CFAP96: variants seen among roughly 807,000 people sequenced by gnomAD.
CFAP96 encodes the protein cilia and flagella associated protein 96.
chr4:185,418,047 A>AACACACAC, the CFAP96 span, among the ~76,000 whole-genome samples: 109 of 143,058 alleles, frequency 7.6e-4, 3 homozygotes, highest in Admixed American at 3.1e-3. Flanking sequence ...TCCATCTCAA[A>AACACACAC]ACACACACAC....
chr4:185,426,044 C>G, the CFAP96 span: 7 of 679,824 alleles, frequency 1.0e-5, no homozygotes, highest in Non-Finnish European at 1.8e-5. Flanking sequence ...CCCTCGCGGA[C>G]GGCGAGGCGG....
At chr4:185,436,325 C>T in the CFAP96 span, 1 of 1,550,812 alleles carries the variant, frequency 6.4e-7, no homozygotes. Context: ...TCACACTCTG[C>T]CGACTTCTAT....
chr4:185,433,992 A>G, the CFAP96 span, among the ~76,000 whole-genome samples: 2 of 152,108 alleles, frequency 1.3e-5, no homozygotes, highest in African/African-American at 4.8e-5. Context: ...GCTGAGGCGG[A>G]TGTATTGCTT....
chr4:185,434,000 C>T, the CFAP96 span, among the ~76,000 whole-genome samples: 1 of 152,150 alleles, frequency 6.6e-6, no homozygotes, highest in Non-Finnish European at 1.5e-5. Context: ...GGATGTATTG[C>T]TTGAGTCTAG....
chr4:185,437,088 C>G, the CFAP96 span, among the ~76,000 whole-genome samples: 1 of 152,084 alleles, frequency 6.6e-6, no homozygotes, highest in East Asian at 1.9e-4. Context: ...GATCAAGAAG[C>G]CATTATGATG....
At chr4:185,418,071 C>CACACACACACACA in the CFAP96 span, among the ~76,000 whole-genome samples, 293 of 151,798 alleles carry the variant, frequency 1.9e-3, 1 homozygote, top group Middle Eastern at 6.8e-3. Flanking sequence ...CACACACAAA[C>CACACACACACACA]AACAGAACCA....
the CFAP96 span, among the ~76,000 whole-genome samples, chr4:185,439,618 T>C: frequency 2.0e-5 from 3 of 151,820 alleles, no homozygotes; most frequent in Non-Finnish European, 4.4e-5. Flanking sequence ...ACTTTATTAA[T>C]AGCCAGTGAT....
chr4:185,436,972 G>C, the CFAP96 span, among the ~76,000 whole-genome samples: 1 of 152,008 alleles, frequency 6.6e-6, no homozygotes, highest in Non-Finnish European at 1.5e-5. Context: ...CTGGCCTGAT[G>C]AACTATGTTC....
the CFAP96 span, among the ~76,000 whole-genome samples, chr4:185,447,165 A>G: frequency 6.7e-6 from 1 of 149,652 alleles, no homozygotes; most frequent in Non-Finnish European, 1.5e-5. Flanking sequence ...ACATATAGCT[A>G]TGTTTGATTT....
At chr4:185,410,897 G>A in the CFAP96 span, among the ~76,000 whole-genome samples, 1 of 142,638 alleles carries the variant, frequency 7.0e-6, no homozygotes, top group South Asian at 2.2e-4. Flanking sequence ...AGTGAGCCAA[G>A]ATTGTGCCAC....
the CFAP96 span, chr4:185,426,019 G>A: frequency 9.4e-6 from 8 of 847,260 alleles, no homozygotes; most frequent in Non-Finnish European, 1.5e-5. Flanking sequence ...GTCACGGAGC[G>A]TACCACACCG....
chr4:185,439,831 A>G, the CFAP96 span, among the ~76,000 whole-genome samples: 3 of 147,850 alleles, frequency 2.0e-5, no homozygotes, highest in Non-Finnish European at 4.5e-5. Flanking sequence ...ATGTATATAC[A>G]TAATCTCATA....
chr4:185,413,871 T>C, the CFAP96 span: 2 of 1,591,212 alleles, frequency 1.3e-6, no homozygotes, highest in South Asian at 1.2e-5. Context: ...ATCATGTAAC[T>C]CCTAAAATAA....
chr4:185,411,163 G>A, the CFAP96 span, among the ~76,000 whole-genome samples: 1 of 148,432 alleles, frequency 6.7e-6, no homozygotes, highest in Admixed American at 6.7e-5. Flanking sequence ...ATGATATGAA[G>A]AATGAAAAAG....
chr4:185,431,933 T>G, the CFAP96 span: 43 of 1,372,714 alleles, frequency 3.1e-5, no homozygotes, highest in Non-Finnish European at 4.1e-5. Context: ...TCATGTCCTT[T>G]AATTGCTAGT....
At chr4:185,445,454 A>G in the CFAP96 span, 1 of 1,316,930 alleles carries the variant, frequency 7.6e-7, no homozygotes, top group African/African-American at 1.5e-5. Flanking sequence ...CAGTACAATT[A>G]ACATTGGCTA....
the CFAP96 span, among the ~76,000 whole-genome samples, chr4:185,417,148 A>ATG: frequency 6.6e-6 from 1 of 152,188 alleles, no homozygotes; most frequent in Non-Finnish European, 1.5e-5. Flanking sequence ...CTTTCATACC[A>ATG]TGTGCTGAGG....
chr4:185,418,550 T>A, the CFAP96 span: 1 of 1,610,460 alleles, frequency 6.2e-7, no homozygotes, highest in Non-Finnish European at 8.5e-7. Flanking sequence ...GAAATGATGT[T>A]TTGAAAACAT....
the CFAP96 span, chr4:185,413,742 T>C: frequency 1.2e-6 from 2 of 1,611,380 alleles, no homozygotes; most frequent in Non-Finnish European, 1.7e-6. Flanking sequence ...AGTCTCCATG[T>C]TAGGTGGATT....
Sources: gnomAD v4.1 joint callset for allele counts (sites outside exome capture counted in the v4.1 genomes callset) on GRCh38, gnomAD v4.1.1 for gene constraint, MANE v1.5 for transcripts, NCBI Gene and HGNC (gene_info 2026-07-23, HGNC 2026-07-21) for gene names.